Variants in WDR5 observed in about 807,000 individuals in gnomAD.
WDR5 encodes the protein WD repeat-containing protein 5.
For synonymous variants in WDR5, 144 were observed against 161.6 expected, an observed-to-expected ratio of 0.89 and a Z score of 0.83; for missense variants, 187 against 416.9, an observed-to-expected ratio of 0.45 and a Z score of 4.80.
At chr9:134,154,966 C>G (rs527996952) in intron 10 of WDR5, among the ~76,000 whole-genome samples, 7 of 152,194 alleles carry the variant, frequency 4.6e-5, no homozygotes, top group Admixed American at 2.0e-4. Context: ...CCTGTGGGTC[C>G]GAGCCTGGGC....
At chr9:134,142,775 G>A (rs191409134) in intron 7 of WDR5, 56 bp downstream of exon 7, 8 of 1,569,876 alleles carry the variant, frequency 5.1e-6, no homozygotes, top group Admixed American at 1.7e-5. Context: ...CTCTGACATC[G>A]GATGTGGCCA....
intron 7 of WDR5, among the ~76,000 whole-genome samples, chr9:134,143,471 G>A (rs1164879840): frequency 6.6e-6 from 1 of 152,108 alleles, no homozygotes; most frequent in African/African-American, 2.4e-5. Flanking sequence ...AACCTGGGAA[G>A]CGGAGGTTGC....
intron 8 of WDR5, among the ~76,000 whole-genome samples, chr9:134,149,504 C>T (rs891475926): frequency 6.6e-6 from 1 of 152,172 alleles, no homozygotes; most frequent in Non-Finnish European, 1.5e-5. Flanking sequence ...GAGGGGTGCA[C>T]AGGGTGAGCT....
chr9:134,145,107 T>TTTTTTG (rs1564191373), intron 7 of WDR5, among the ~76,000 whole-genome samples: 2 of 144,074 alleles, frequency 1.4e-5, no homozygotes, highest in Non-Finnish European at 3.1e-5. Context: ...TTTTTTTTTT[T>TTTTTTG]TTTTTTTTTG....
intron 7 of WDR5, among the ~76,000 whole-genome samples, chr9:134,145,096 G>GTTGTTTTTTTTTTTTT (rs1554726635): frequency 9.6e-6 from 1 of 104,664 alleles, no homozygotes; most frequent in African/African-American, 3.4e-5. Context: ...GTGGGGCTTT[G>GTTGTTTTTTTTTTTTT]TTTTTTTTTT....
intron 7 of WDR5, among the ~76,000 whole-genome samples, chr9:134,145,097 T>TTTTTTTG (rs1564191324): frequency 5.3e-5 from 1 of 18,760 alleles, no homozygotes; most frequent in African/African-American, 1.7e-4. Context: ...TGGGGCTTTG[T>TTTTTTTG]TTTTTTTTTT....
intron 8 of WDR5, 57 bp downstream of exon 8, chr9:134,148,400 T>A: frequency 6.7e-7 from 1 of 1,487,414 alleles, no homozygotes; most frequent in Non-Finnish European, 9.4e-7. Flanking sequence ...GGGCCAGCTC[T>A]TGCACTGTTC....
intron 7 of WDR5, among the ~76,000 whole-genome samples, chr9:134,146,105 C>T (rs528105199): frequency 3.6e-4 from 55 of 152,034 alleles, no homozygotes; most frequent in Admixed American, 1.2e-3. Flanking sequence ...GCTGGGACTA[C>T]AGGCGCCCTC....
At chr9:134,143,919 C>A (rs775152387) in intron 7 of WDR5, among the ~76,000 whole-genome samples, 5 of 151,986 alleles carry the variant, frequency 3.3e-5, no homozygotes, top group African/African-American at 7.3e-5. Context: ...CCAGAAAGTT[C>A]TTTTGTTAAC....
At chr9:134,146,050 C>T (rs1172623639) in intron 7 of WDR5, among the ~76,000 whole-genome samples, 3 of 151,552 alleles carry the variant, frequency 2.0e-5, no homozygotes, top group Non-Finnish European at 4.4e-5. Context: ...CTGCAAGCTC[C>T]ACCTCCCGGG....
chr9:134,147,671 C>T (rs1588174257), intron 7 of WDR5, among the ~76,000 whole-genome samples: 1 of 152,188 alleles, frequency 6.6e-6, no homozygotes, highest in African/African-American at 2.4e-5. Flanking sequence ...GGAAATGTTT[C>T]AGCACCCATA....
intron 1 of WDR5, among the ~76,000 whole-genome samples, chr9:134,136,987 C>T (rs1564185840): frequency 1.3e-5 from 2 of 152,222 alleles, no homozygotes; most frequent in East Asian, 1.9e-4. Flanking sequence ...TGTCCAGGAT[C>T]TCAGATAGGG....
In WDR5 at chr9:134,148,365, C is replaced by T. The variant is rs866831816; in HGVS notation, c.584+22C>T. ...TCTGGTAAGTGAAAACATTTTACTT[C>T]ATGAAGCGATGAGTGCTTAACTAAG... On this transcript the variant is annotated intron_variant, in intron 8 of 13. Coordinates refer to ENST00000358625, the MANE Select transcript of WDR5 (RefSeq NM_017588.3). 1.5e-5 allele frequency: 24 copies of T among 1,606,006 alleles called. No homozygotes were observed. The Middle Eastern group carries it at 2.6e-3, about 177-fold the overall frequency.
At chr9:134,145,059 G>A (rs1006266195) in intron 7 of WDR5, among the ~76,000 whole-genome samples, 4 of 147,812 alleles carry the variant, frequency 2.7e-5, no homozygotes, top group African/African-American at 1.0e-4. Flanking sequence ...CTGCTGCTCT[G>A]TAGCTGTCTC....
intron 1 of WDR5, among the ~76,000 whole-genome samples, 176 bp downstream of exon 1, chr9:134,136,376 C>A (rs1831554835): frequency 1.3e-5 from 2 of 151,092 alleles, no homozygotes; most frequent in South Asian, 4.1e-4. Flanking sequence ...CCCGGCCCCT[C>A]GGTGGACGGC....
chr9:134,143,553 G>T (rs570937630), intron 7 of WDR5, among the ~76,000 whole-genome samples: 2 of 148,236 alleles, frequency 1.3e-5, no homozygotes, highest in South Asian at 4.5e-4. Flanking sequence ...TTGAGACTGA[G>T]TCTCGCTCTG....
At position 134,157,377 on chromosome 9, in the gene WDR5, G is replaced by A. The variant is rs1262441235; in HGVS notation, c.905-516G>A. The stretch of plus-strand genomic sequence containing the variant: ...TCTGTTAGTTCTGACCTCCCTGCTT[G>A]GGTGGTGGACTTGTCCTTGCTGTGA... On this transcript the variant is annotated intron_variant, in intron 13 of 13. Transcript: ENST00000358625. This position sits in a 1 kb window ranked among gnomAD's most constrained non-coding sequence, Gnocchi z 5.0. Among the ~76,000 whole-genome samples, 2 of 152,170 alleles carry A rather than the reference G, an allele frequency of 1.3e-5. No individual in the cohort carries two copies. The highest frequency in any genetic ancestry group is 2.9e-5 in the Non-Finnish European group (2 of 68,040).
intron 7 of WDR5, among the ~76,000 whole-genome samples, chr9:134,145,416 C>T (rs1588172779): frequency 6.6e-6 from 1 of 152,168 alleles, no homozygotes; most frequent in East Asian, 1.9e-4. Context: ...CCTTTGATGT[C>T]TGCGCACATC....
At chr9:134,155,248 A>ATGGTGGCTGTGACG in intron 10 of WDR5, 92 bp from the exon 11 acceptor site, 1 of 1,419,854 alleles carries the variant, frequency 7.0e-7, no homozygotes, top group Non-Finnish European at 9.3e-7. Flanking sequence ...CCTGGCGCTG[A>ATGGTGGCTGTGACG]TGGTGGCTGT....
Sources: allele counts gnomAD v4.1 joint callset (sites outside exome capture counted in the v4.1 genomes callset), GRCh38; gene constraint gnomAD v4.1.1; non-coding constraint Gnocchi (gnomAD v3.1); transcripts MANE v1.5; gene names NCBI Gene and HGNC (gene_info 2026-07-23, HGNC 2026-07-21).